Variants in NUP88 observed in about 807,000 individuals in gnomAD.
NUP88 encodes nuclear pore complex protein Nup88.
In NUP88, 57 loss-of-function variants were observed where a neutral mutation model predicts 93.9. That is an observed-to-expected ratio of 0.61 (90% CI 0.49 to 0.76). NUP88 has a LOEUF of 0.76. Among genes scored for constraint, NUP88 ranks in the 30% least tolerant of loss-of-function variants. NUP88 has a pLI of 0.00. For synonymous variants in NUP88, 346 were observed against 336.8 expected (o/e 1.03, Z -0.30); for missense variants, 911 against 901.0 (o/e 1.01, Z -0.14).
rs775686063 is a variant in NUP88 at position 5,387,031 on chromosome 17, G to GT, written c.1995dup (p.Gln666ThrfsTer5). The stretch of plus-strand genomic sequence containing the variant: ...TGTCGAAGTTGATCAGGTATCAGCT[G>GT]TAATTCTTTCTTCATGTCTCGCTCA... On this transcript the variant is annotated frameshift_variant, in exon 15 of 17. Coordinates refer to ENST00000573584, the MANE Select transcript of NUP88 (RefSeq NM_002532.6). LOFTEE classifies it high-confidence loss of function. 1 of 1,614,056 alleles carries GT rather than the reference G, an allele frequency of 6.2e-7. No individual in the cohort carries two copies. Among genetic ancestry groups the GT allele is most frequent in the East Asian group, 2.2e-5 (1 of 44,880 alleles).
At chr17:5,410,909 C>A in intron 3 of NUP88, 120 bp from the exon 4 acceptor site, 1 of 684,876 alleles carries the variant, frequency 1.5e-6, no homozygotes, top group South Asian at 1.8e-5. Flanking sequence ...ACAACTATTT[C>A]TTTGCAAAAA....
At chr17:5,407,995 C>T (rs1349577385) in intron 5 of NUP88, among the ~76,000 whole-genome samples, 5 of 144,834 alleles carry the variant, frequency 3.5e-5, no homozygotes, top group African/African-American at 7.8e-5. Context: ...CCTATTCCTA[C>T]AGAAAAAAAA....
chr17:5,409,372 C>T (rs1913692570), intron 4 of NUP88, among the ~76,000 whole-genome samples: 1 of 95,514 alleles, frequency 1.0e-5, no homozygotes, highest in Non-Finnish European at 2.0e-5. Context: ...GAAACTCCGT[C>T]TCAAAAAAAA....
chr17:5,416,144 C>CAAAAAA (rs1206275413), intron 2 of NUP88, among the ~76,000 whole-genome samples: 1 of 72,652 alleles, frequency 1.4e-5, no homozygotes, highest in Non-Finnish European at 2.6e-5. Flanking sequence ...GACTCCATCT[C>CAAAAAA]AAAAAAAAAA....
At position 5,405,242 on chromosome 17, in the gene NUP88, G is replaced by A. The variant is rs1913429279; in HGVS notation, c.859C>T (p.Pro287Ser). ...FLTYISLLHS[P>S]GNIGKLLGPL... The stretch of plus-strand genomic sequence containing the variant: ...CCCAACAGCTTTCCAATATTTCCAG[G>A]GCTAAAGAAGGAGTAAAAACATATT... Residue 287 changes from proline (P) to serine (S), a missense_variant and splice_region_variant, in exon 6 of 17, where the codon CCT becomes TCT. Coordinates refer to ENST00000573584, the MANE Select transcript of NUP88 (RefSeq NM_002532.6). 1 of 1,610,490 alleles carries A rather than the reference G, an allele frequency of 6.2e-7. No individual in the cohort carries two copies. The highest frequency in any genetic ancestry group is 8.5e-7 in the Non-Finnish European group (1 of 1,178,152).
intron 7 of NUP88, among the ~76,000 whole-genome samples, chr17:5,401,248 C>T (rs980436292): frequency 6.6e-5 from 10 of 151,796 alleles, no homozygotes; most frequent in African/African-American, 2.2e-4. Flanking sequence ...CCAGGCGTGG[C>T]GGCACATGCC....
intron 7 of NUP88, 103 bp downstream of exon 7, chr17:5,403,996 A>T: frequency 8.0e-7 from 1 of 1,243,762 alleles, no homozygotes; most frequent in Non-Finnish European, 1.1e-6. Context: ...TCAACTTTTT[A>T]AAGGCTGGAA....
intron 1 of NUP88, among the ~76,000 whole-genome samples, chr17:5,418,669 C>G (rs1054087808): frequency 6.6e-6 from 1 of 152,184 alleles, no homozygotes; most frequent in Non-Finnish European, 1.5e-5. Context: ...TTCTCGGTAA[C>G]AAGAATTGGA....
Position 5,414,006 on chromosome 17 carries a change from T to C in NUP88, c.593+3A>G. On this transcript the variant is annotated splice_donor_region_variant and intron_variant, in intron 3 of 16. Transcript: ENST00000573584. The stretch of plus-strand genomic sequence containing the variant: ...GGCTTCAAGAGAGAGAAATAAAATT[T>C]ACCTGATTACGTTGTCTGATGTTAA... The C allele has an allele frequency of 6.2e-7, 1 of 1,613,290 alleles. No individual in the cohort carries two copies. The highest frequency in any genetic ancestry group is 8.5e-7 in the Non-Finnish European group (1 of 1,179,448).
At chr17:5,416,832 AT>A (rs11391160) in intron 1 of NUP88, 150 bp from the exon 2 acceptor site, 25,708 of 383,678 alleles carry the variant, frequency 0.067, no homozygotes, top group Middle Eastern at 0.092. Context: ...TAACTCACAA[AT>A]TTTTTTTTTT....
intron 13 of NUP88, 57 bp from the exon 14 acceptor site, chr17:5,387,523 C>T (rs113552421): frequency 5.7e-6 from 9 of 1,589,988 alleles, no homozygotes; most frequent in Admixed American, 1.7e-5. Flanking sequence ...CTGAAACCAC[C>T]TAATGTGGCT....
chr17:5,401,779 T>C (rs560696982), intron 7 of NUP88, among the ~76,000 whole-genome samples: 1 of 152,360 alleles, frequency 6.6e-6, no homozygotes, highest in South Asian at 2.1e-4. Context: ...TCAAAACCTG[T>C]AGTGCTAACA....
intron 2 of NUP88, among the ~76,000 whole-genome samples, chr17:5,416,180 T>TACACACACACACACACAC (rs1555530301): frequency 9.3e-6 from 1 of 107,338 alleles, no homozygotes; most frequent in African/African-American, 3.6e-5. Flanking sequence ...TATATATATA[T>TACACACACACACACACAC]ACACACATAC....
intron 8 of NUP88, among the ~76,000 whole-genome samples, chr17:5,398,650 G>C (rs1912940861): frequency 6.6e-6 from 1 of 151,476 alleles, no homozygotes; most frequent in Non-Finnish European, 1.5e-5. Context: ...GAGTGCAGTG[G>C]CATGACCTCG....
intron 8 of NUP88, among the ~76,000 whole-genome samples, chr17:5,397,397 C>T (rs1335868117): frequency 2.0e-5 from 3 of 151,668 alleles, no homozygotes; most frequent in Non-Finnish European, 4.4e-5. Flanking sequence ...TCCGGGCAGA[C>T]TTAATGTTAC....
In NUP88 at chr17:5,403,643, G is replaced by C. The variant is rs143205052; in HGVS notation, c.1192+456C>G. 8.0e-3 allele frequency among the ~76,000 whole-genome samples: 1,166 copies of C among 146,170 alleles called. 12 individuals are homozygous for C. Among genetic ancestry groups the C allele is most frequent in the African/African-American group, 0.028 (1,108 of 39,394 alleles). Reference sequence around the variant, plus strand: ...CCATTAGACTCCAGCCTGGGTGACAGAGCCAGACACCATCTCAACAACAAC... The same window carrying C: ...CCATTAGACTCCAGCCTGGGTGACACAGCCAGACACCATCTCAACAACAAC... On this transcript the variant is annotated intron_variant, in intron 7 of 16. Transcript: ENST00000573584.
Position 5,394,950 on chromosome 17 carries a change from G to A in NUP88, c.1323C>T (p.Leu441=). Residue 441 remains leucine, a synonymous_variant, in exon 9 of 17, where the codon CTC becomes CTT. Coordinates refer to ENST00000573584, the MANE Select transcript of NUP88 (RefSeq NM_002532.6). ...DEEDKDSLQE[L]STEQKCFVEH... ...CAACAAAGCATTTCTGTTCTGTAGA[G>A]AGTTCCTGTAAACTATCCTTATCTT... 1 of 1,613,010 alleles carries A rather than the reference G, an allele frequency of 6.2e-7. No homozygotes were observed. The highest frequency in any genetic ancestry group is 1.7e-5 in the Admixed American group (1 of 60,026).
intron 10 of NUP88, among the ~76,000 whole-genome samples, chr17:5,390,718 A>T (rs530310019): frequency 1.3e-5 from 2 of 151,236 alleles, no homozygotes; most frequent in African/African-American, 4.8e-5. Context: ...TTTTTTTTTT[A>T]AAAGACACAG....
Position 5,385,384 on chromosome 17 carries a change from G to A in NUP88, c.*822C>T. Reference sequence around the variant, plus strand: ...TCTGTGCCTACATGTTCTCATGCATGTCTAACCTGATTTACCTCTTACCTG... The same window carrying A: ...TCTGTGCCTACATGTTCTCATGCATATCTAACCTGATTTACCTCTTACCTG... On this transcript the variant is annotated 3_prime_UTR_variant, in exon 17 of 17. Transcript: ENST00000573584. 4.3e-6 allele frequency: 1 copy of A among 230,546 alleles called. No individual in the cohort carries two copies. The highest frequency in any genetic ancestry group is 6.2e-5 in the East Asian group (1 of 16,196). 14.3% of individuals were successfully genotyped at this position (230,546 alleles called of 1,614,324 possible). A position where few individuals can be genotyped will look rare whatever the true frequency, so the allele number is the denominator to read the frequency against.
Sources: allele counts gnomAD v4.1 joint callset (sites outside exome capture counted in the v4.1 genomes callset), GRCh38; gene constraint gnomAD v4.1.1; transcripts MANE v1.5; gene names NCBI Gene and HGNC (gene_info 2026-07-23, HGNC 2026-07-21).